The following RUVBL1 variants were observed in gnomAD, a reference collection of about 807,000 sequenced individuals.
The protein encoded by RUVBL1 is ruvB-like 1.
A neutral mutation model predicts 52.4 loss-of-function variants in RUVBL1; 4 were observed. The observed-to-expected ratio is 0.08, with a 90% CI of 0.04 to 0.17. The LOEUF (loss-of-function observed/expected upper bound fraction) is 0.17, where lower values mean the gene tolerates loss of function less well. RUVBL1 is among the 10% of genes least tolerant of loss of function. RUVBL1 has a pLI of 1.00. For synonymous variants in RUVBL1, 217 were observed against 214.4 expected, an observed-to-expected ratio of 1.01 and a Z score of -0.10; for missense variants, 298 against 572.8, an observed-to-expected ratio of 0.52 and a Z score of 4.90.
Position 128,123,700 on chromosome 3 carries a change from T to C in RUVBL1, c.25A>G (p.Thr9Ala), listed in dbSNP as rs770502995. The stretch of plus-strand genomic sequence containing the variant: ...GAGGCGATGCGCTGCGTCTTCGTAG[T>C]GCTCTTCACCTCCTCAATCTTCATT... MKIEEVKS[T>A]TKTQRIASHS... The change falls in exon 1 of 11, where the codon ACT becomes GCT. Residue 9 changes from threonine (T) to alanine (A), a missense_variant. Physicochemically the swap from Thr to Ala is moderately conservative, Grantham distance 58 (BLOSUM62 0). Around this residue, in one of 5 missense-constraint regions of RUVBL1, gnomAD observed 71 missense variants for 125.7 expected, o/e 0.57. Transcript: ENST00000322623. 1.9e-6 allele frequency: 3 copies of C among 1,610,508 alleles called. No individual in the cohort carries two copies. Among genetic ancestry groups the C allele is most frequent in the South Asian group, 2.2e-5 (2 of 91,006 alleles).
chr3:128,115,762 G>C (rs1387640897), intron 2 of RUVBL1, among the ~76,000 whole-genome samples: 1 of 152,142 alleles, frequency 6.6e-6, no homozygotes, highest in Non-Finnish European at 1.5e-5. Context: ...TAAACTATTT[G>C]CCTTGAAAGT....
chr3:128,099,466 A>T (rs954403448), intron 6 of RUVBL1, among the ~76,000 whole-genome samples: 1 of 152,206 alleles, frequency 6.6e-6, no homozygotes, highest in African/African-American at 2.4e-5. Context: ...AAGTATAAAT[A>T]TACCATGATT....
At chr3:128,107,286 T>C (rs1201187954) in intron 3 of RUVBL1, among the ~76,000 whole-genome samples, 1 of 152,216 alleles carries the variant, frequency 6.6e-6, no homozygotes, top group Non-Finnish European at 1.5e-5. Flanking sequence ...TAGTTTAATA[T>C]TCCCCCCATG....
At chr3:128,078,361 C>G (rs543174157), downstream of RUVBL1, among the ~76,000 whole-genome samples, 7 of 152,326 alleles carry the variant, frequency 4.6e-5, no homozygotes, top group African/African-American at 1.4e-4. Flanking sequence ...AAGGTATCTG[C>G]ACTGAGAAAA....
intron 3 of RUVBL1, among the ~76,000 whole-genome samples, 195 bp from the exon 4 acceptor site, chr3:128,105,119 T>C (rs1278815695): frequency 2.0e-5 from 3 of 151,420 alleles, no homozygotes; most frequent in Non-Finnish European, 2.9e-5. Flanking sequence ...AACTTTTTTT[T>C]TTTTTTTTTT....
rs1042810238 is a variant in RUVBL1 at position 128,123,800 on chromosome 3, T to C, written c.-76A>G. 3 of 1,490,492 alleles carry C rather than the reference T, an allele frequency of 2.0e-6. No individual in the cohort carries two copies. The highest frequency in any genetic ancestry group is 1.4e-5 in the African/African-American group (1 of 71,918). The allele number at this position is 1,490,492 out of a possible 1,614,324, so 92.3% of individuals were successfully genotyped here. A position where few individuals can be genotyped will look rare whatever the true frequency, so the allele number is the denominator to read the frequency against. ...AGTGCGCCCGGCGCCTGAGTTACCA[T>C]GCGGCCGTTACTAGGGCAATTTGCA... On this transcript the variant is annotated 5_prime_UTR_variant, in exon 1 of 11. The change abolishes an upstream ATG in the 5' untranslated region. Coordinates refer to ENST00000322623, the MANE Select transcript of RUVBL1 (RefSeq NM_003707.3).
chr3:128,126,752 C>T (rs1332229252), upstream of RUVBL1, among the ~76,000 whole-genome samples: 1 of 152,196 alleles, frequency 6.6e-6, no homozygotes, highest in Admixed American at 6.5e-5. Flanking sequence ...AGGCCAGTAT[C>T]CAAGCTACAC....
At chr3:128,104,666 G>T in intron 4 of RUVBL1, 107 bp downstream of exon 4, 1 of 899,732 alleles carries the variant, frequency 1.1e-6, no homozygotes, top group African/African-American at 1.7e-5. Flanking sequence ...ATCAATACCT[G>T]CAGTGCACAG....
chr3:128,145,046 GAGAA>G (rs1376852369), intron 1 of RUVBL1, among the ~76,000 whole-genome samples: 3 of 152,206 alleles, frequency 2.0e-5, no homozygotes, highest in African/African-American at 7.2e-5. Flanking sequence ...GAGGAACGGA[GAGAA>G]AGAGACAAAG....
At chr3:128,114,289 T>C (rs1427730447) in intron 2 of RUVBL1, among the ~76,000 whole-genome samples, 3 of 152,174 alleles carry the variant, frequency 2.0e-5, no homozygotes, top group African/African-American at 7.2e-5. Flanking sequence ...GACGGTGTCT[T>C]AAAATTAACA....
At chr3:128,101,713 G>A (rs536100504) in intron 4 of RUVBL1, 65 bp from the exon 5 acceptor site, 8 of 1,523,150 alleles carry the variant, frequency 5.3e-6, no homozygotes, top group Non-Finnish European at 7.2e-6. Flanking sequence ...ACCATGTAAG[G>A]TACCTTTCCG....
intron 5 of RUVBL1, 47 bp downstream of exon 5, chr3:128,101,512 A>G (rs766208182): frequency 1.9e-6 from 3 of 1,573,166 alleles, no homozygotes; most frequent in East Asian, 2.2e-5. Context: ...AGGTCTTCTC[A>G]TGGCAAACAA....
intron 2 of RUVBL1, among the ~76,000 whole-genome samples, chr3:128,117,333 C>T (rs1490439665): frequency 6.6e-6 from 1 of 152,162 alleles, no homozygotes; most frequent in Non-Finnish European, 1.5e-5. Flanking sequence ...GACTCCATGA[C>T]GTTTGTGGCC....
intron 9 of RUVBL1, among the ~76,000 whole-genome samples, chr3:128,073,730 A>C (rs1468940933): frequency 6.6e-6 from 1 of 152,226 alleles, no homozygotes; most frequent in African/African-American, 2.4e-5. Context: ...CCCAGCAGTA[A>C]GGGTTCTGCA....
chr3:128,107,890 C>G (rs1027807924), intron 3 of RUVBL1, among the ~76,000 whole-genome samples: 1 of 152,204 alleles, frequency 6.6e-6, no homozygotes, highest in Non-Finnish European at 1.5e-5. Flanking sequence ...CTTATATTTA[C>G]TGCTAGATGA....
chr3:128,136,315 C>G (rs1943946329), intron 1 of RUVBL1, among the ~76,000 whole-genome samples: 1 of 151,856 alleles, frequency 6.6e-6, no homozygotes, highest in Non-Finnish European at 1.5e-5. Context: ...AATAAAAAGA[C>G]ACAGAGTAGC....
At position 128,130,776 on chromosome 3, in the gene RUVBL1, G is replaced by A. The variant is rs986728063; in HGVS notation, c.-39-11362C>T. Among the ~76,000 whole-genome samples the A allele has an allele frequency of 2.6e-5, 4 of 151,470 alleles. No homozygotes were observed. In the East Asian group the frequency reaches 7.7e-4, roughly 29 times the overall value. On this transcript the variant is annotated intron_variant, in intron 1 of 9. Coordinates refer to the RUVBL1 transcript ENST00000464873. Reference sequence around the variant, plus strand: ...TGCCATTCTCCTGCCTCAGCCTCCCGAGTAGCTGGGACTACATGCGCCTGC... The same window carrying A: ...TGCCATTCTCCTGCCTCAGCCTCCCAAGTAGCTGGGACTACATGCGCCTGC...
intron 2 of RUVBL1, among the ~76,000 whole-genome samples, chr3:128,114,665 T>C (rs1157539556): frequency 6.6e-6 from 1 of 152,154 alleles, no homozygotes; most frequent in Non-Finnish European, 1.5e-5. Flanking sequence ...CTCATCCCCG[T>C]TGCCTGCCTC....
Position 128,067,704 on chromosome 3 carries a change from T to G in RUVBL1, c.940-2484A>C. The G allele has an allele frequency of 9.2e-7, 1 of 1,082,058 alleles. No homozygotes were observed. The highest frequency in any genetic ancestry group is 1.3e-6 in the Non-Finnish European group (1 of 741,676). The allele number at this position is 1,082,058 out of a possible 1,614,324, so 67.0% of individuals were successfully genotyped here. ...TCACCTCATCATAAATAATGGTCTGTGACGTGTGCAGATAGATCGTCGTCC... is the reference window on the plus strand; with the variant it reads ...TCACCTCATCATAAATAATGGTCTGGGACGTGTGCAGATAGATCGTCGTCC... On this transcript the variant is annotated intron_variant, in intron 9 of 9. Coordinates refer to the RUVBL1 transcript ENST00000464873. The surrounding 1 kb of genome is among the most constrained non-coding windows in gnomAD (Gnocchi z 4.1).
Sources: gnomAD v4.1 joint callset for allele counts (sites outside exome capture counted in the v4.1 genomes callset) on GRCh38, gnomAD v4.1.1 for gene constraint, gnomAD v4.1.1 regional missense constraint, Gnocchi (gnomAD v3.1) non-coding constraint, MANE v1.5 for transcripts, NCBI Gene and HGNC (gene_info 2026-07-23, HGNC 2026-07-21) for gene names.